NDST4: variants seen among roughly 807,000 people sequenced by gnomAD.
The protein encoded by NDST4 is N-heparan sulfate sulfotransferase 4.
Under a neutral mutation model 100.8 loss-of-function variants are expected in NDST4, and 63 were observed. That is an observed-to-expected ratio of 0.62 (90% CI 0.51 to 0.77). The LOEUF is 0.77. NDST4 is among the 30% of genes least tolerant of loss of function. The probability of loss-of-function intolerance (pLI) is 0.00; values close to 1 mark genes in which losing one functional copy is unlikely to be tolerated. For missense variants in NDST4, 943 were observed against 1,018.4 expected, an observed-to-expected ratio of 0.93 and a Z score of 1.01; for synonymous variants, 377 against 361.8, an observed-to-expected ratio of 1.04 and a Z score of -0.48.
intron 11 of NDST4, among the ~76,000 whole-genome samples, chr4:114,837,044 T>C (rs1344876234): frequency 1.3e-5 from 2 of 152,148 alleles, no homozygotes; most frequent in Non-Finnish European, 2.9e-5. Flanking sequence ...CTTAGCTTCC[T>C]TGCATTGGGT....
intron 2 of NDST4, among the ~76,000 whole-genome samples, chr4:115,073,703 T>G (rs1449565885): frequency 6.6e-6 from 1 of 151,876 alleles, no homozygotes; most frequent in Non-Finnish European, 1.5e-5. Context: ...AAAATTTCAT[T>G]TTGATTGGAA....
At chr4:114,855,090 T>C (rs1723764138) in intron 7 of NDST4, among the ~76,000 whole-genome samples, 1 of 152,210 alleles carries the variant, frequency 6.6e-6, no homozygotes, top group South Asian at 2.1e-4. Flanking sequence ...TTTTGAGAAA[T>C]GTCTATTCAG....
intron 6 of NDST4, among the ~76,000 whole-genome samples, chr4:114,903,167 A>G (rs1360895820): frequency 6.6e-6 from 1 of 152,108 alleles, no homozygotes; most frequent in African/African-American, 2.4e-5. Context: ...GCAGCCAGAT[A>G]TGATTACTGG....
chr4:114,954,050 C>A (rs184820818), intron 4 of NDST4, among the ~76,000 whole-genome samples: 12 of 152,214 alleles, frequency 7.9e-5, no homozygotes, highest in Non-Finnish European at 5.9e-5. Flanking sequence ...TTACTGATCA[C>A]AAATTTCCAA....
intron 2 of NDST4, among the ~76,000 whole-genome samples, chr4:115,056,990 A>AT (rs538598051): frequency 1.7e-3 from 260 of 152,142 alleles, no homozygotes; most frequent in African/African-American, 5.9e-3. Flanking sequence ...ACTTTGTTGG[A>AT]TTTTTTCTTT....
At chr4:114,839,294 G>T in intron 11 of NDST4, 84 bp downstream of exon 11, 1 of 1,306,944 alleles carries the variant, frequency 7.7e-7, no homozygotes, top group Non-Finnish European at 1.0e-6. Flanking sequence ...GCAGAAGAAA[G>T]TAATTTCAGG....
chr4:115,064,008 TC>T (rs1728879430), intron 2 of NDST4, among the ~76,000 whole-genome samples: 1 of 151,988 alleles, frequency 6.6e-6, no homozygotes, highest in Non-Finnish European at 1.5e-5. Context: ...GTAACCAAAG[TC>T]AGCACTTAAC....
At chr4:115,112,509 AC>A (rs1196523697) in intron 1 of NDST4, among the ~76,000 whole-genome samples, 1 of 151,956 alleles carries the variant, frequency 6.6e-6, no homozygotes, top group Non-Finnish European at 1.5e-5. Context: ...ACATGATAAA[AC>A]ATAAACTTAA....
intron 7 of NDST4, among the ~76,000 whole-genome samples, chr4:114,859,449 G>A (rs1723870272): frequency 6.6e-6 from 1 of 152,204 alleles, no homozygotes; most frequent in Admixed American, 6.5e-5. Context: ...GAGAAAAAAT[G>A]TGTCTGGTTG....
At chr4:115,056,856 G>A (rs1275386060) in intron 2 of NDST4, among the ~76,000 whole-genome samples, 3 of 151,856 alleles carry the variant, frequency 2.0e-5, no homozygotes, top group Non-Finnish European at 2.9e-5. Flanking sequence ...AATCCTTCAT[G>A]TTTTTGGATG....
intron 4 of NDST4, among the ~76,000 whole-genome samples, chr4:114,943,931 C>T (rs1725805970): frequency 1.3e-5 from 2 of 152,110 alleles, no homozygotes; most frequent in African/African-American, 2.4e-5. Flanking sequence ...AGAAAAGGTA[C>T]ATAGATCATT....
intron 7 of NDST4, among the ~76,000 whole-genome samples, chr4:114,853,394 T>C (rs1259541180): frequency 1.3e-5 from 2 of 152,168 alleles, no homozygotes; most frequent in Admixed American, 6.5e-5. Flanking sequence ...ATCATTTTTG[T>C]ATAGATACGG....
chr4:114,860,016 TGG>T (rs935671328), intron 7 of NDST4, among the ~76,000 whole-genome samples: 1 of 152,204 alleles, frequency 6.6e-6, no homozygotes, highest in African/African-American at 2.4e-5. Flanking sequence ...CTGCTCTCAT[TGG>T]AACAAGGCTG....
chr4:115,038,007 G>A (rs1392454761), intron 2 of NDST4, among the ~76,000 whole-genome samples: 1 of 152,146 alleles, frequency 6.6e-6, no homozygotes, highest in African/African-American at 2.4e-5. Context: ...ATCCGAAAGA[G>A]AGGATGAAAA....
intron 2 of NDST4, among the ~76,000 whole-genome samples, chr4:115,013,958 T>C (rs912360821): frequency 2.0e-5 from 3 of 151,978 alleles, no homozygotes; most frequent in Non-Finnish European, 4.4e-5. Context: ...AATAGACTAT[T>C]TGGCCTGTGC....
At chr4:115,026,192 T>C (rs772790735) in intron 2 of NDST4, among the ~76,000 whole-genome samples, 68 of 152,102 alleles carry the variant, frequency 4.5e-4, no homozygotes, top group Non-Finnish European at 8.7e-4. Context: ...TGTTGTATAA[T>C]TGGCTTTATT....
intron 10 of NDST4, among the ~76,000 whole-genome samples, chr4:114,840,374 T>G (rs1447032421): frequency 6.6e-6 from 1 of 152,134 alleles, no homozygotes; most frequent in African/African-American, 2.4e-5. Context: ...AGATAGATCC[T>G]GGAGATGAAA....
chr4:114,981,383 GC>G (rs1726769194), intron 2 of NDST4, among the ~76,000 whole-genome samples: 1 of 152,112 alleles, frequency 6.6e-6, no homozygotes, highest in Non-Finnish European at 1.5e-5. Flanking sequence ...AGAGAAAATT[GC>G]TAAAATTGTC....
chr4:114,952,826 C>T (rs558520834), intron 4 of NDST4, among the ~76,000 whole-genome samples: 1 of 151,964 alleles, frequency 6.6e-6, no homozygotes, highest in East Asian at 1.9e-4. Context: ...AATCATTATG[C>T]CATTTACACA....
Sources: allele counts gnomAD v4.1 joint callset (sites outside exome capture counted in the v4.1 genomes callset), GRCh38; gene constraint gnomAD v4.1.1; transcripts MANE v1.5; gene names NCBI Gene and HGNC (gene_info 2026-07-23, HGNC 2026-07-21).